FRMD6: variants seen among roughly 807,000 people sequenced by gnomAD.
The protein encoded by FRMD6 is FERM domain-containing protein 6.
In FRMD6, 37 loss-of-function variants were observed where a neutral mutation model predicts 73.2. That is an observed-to-expected ratio of 0.51 (90% CI 0.39 to 0.66). The LOEUF (loss-of-function observed/expected upper bound fraction) is 0.66, where lower values mean the gene tolerates loss of function less well. FRMD6 is among the 30% of genes least tolerant of loss of function. The pLI is 0.00. For missense variants in FRMD6, 714 were observed against 780.5 expected, an observed-to-expected ratio of 0.91 and a Z score of 1.02; for synonymous variants, 273 against 282.2, an observed-to-expected ratio of 0.97 and a Z score of 0.33.
At chr14:51,475,380 T>A in the FRMD6 span, among the ~76,000 whole-genome samples, 1 of 152,238 alleles carries the variant, frequency 6.6e-6, no homozygotes, top group Non-Finnish European at 1.5e-5. Flanking sequence ...TAGGAAGCAC[T>A]ATGATGTCAG....
rs571360290 is a variant in FRMD6 at position 51,582,893 on chromosome 14, C to A, written c.-147+12483C>A. 2.0e-5 allele frequency among the ~76,000 whole-genome samples: 3 copies of A among 152,204 alleles called. No individual in the cohort carries two copies. The South Asian group carries it at 6.2e-4, about 32-fold the overall frequency. Reference sequence around the variant, plus strand: ...GCAAAATAAACACATTTCATCTTGACCATATTTGGAACTCACAATATAAAG... The same window carrying A: ...GCAAAATAAACACATTTCATCTTGAACATATTTGGAACTCACAATATAAAG... On this transcript the variant is annotated intron_variant, in intron 2 of 14. Transcript: ENST00000356218.
intron 2 of FRMD6, among the ~76,000 whole-genome samples, chr14:51,598,394 T>C (rs1218301694): frequency 6.6e-6 from 1 of 152,248 alleles, no homozygotes; most frequent in East Asian, 1.9e-4. Context: ...TCATTGCCTT[T>C]CTTCTTTCTA....
chr14:51,715,506 C>T lies in FRMD6; in HGVS notation c.1024+7C>T. The stretch of plus-strand genomic sequence containing the variant: ...AAGCTGGAGGAAAACGAAGGTATTG[C>T]AGGGTCTGGGGTGTGGAAGCAAATT... On this transcript the variant is annotated splice_region_variant and intron_variant, in intron 10 of 13. Coordinates refer to ENST00000344768, the MANE Select transcript of FRMD6 (RefSeq NM_001267046.2). 2.5e-6 allele frequency: 4 copies of T among 1,605,952 alleles called. No individual in the cohort carries two copies. The highest frequency in any genetic ancestry group is 3.4e-6 in the Non-Finnish European group (4 of 1,175,198).
intron 1 of FRMD6, among the ~76,000 whole-genome samples, chr14:51,653,595 C>T (rs1235730201): frequency 6.6e-6 from 1 of 151,922 alleles, no homozygotes; most frequent in African/African-American, 2.4e-5. Flanking sequence ...GAAATTTTAA[C>T]TACCAGGACC....
At chr14:51,404,847 A>G in the FRMD6 span, among the ~76,000 whole-genome samples, 1 of 152,146 alleles carries the variant, frequency 6.6e-6, no homozygotes, top group African/African-American at 2.4e-5. Flanking sequence ...TCACCAGGAT[A>G]TGTTGTATAG....
chr14:51,435,629 A>G, the FRMD6 span, among the ~76,000 whole-genome samples: 1 of 152,208 alleles, frequency 6.6e-6, no homozygotes, highest in African/African-American at 2.4e-5. Context: ...AATAGTGCTA[A>G]CTAGAACCTG....
At chr14:51,556,804 T>C (rs1596593106) in intron 1 of FRMD6, among the ~76,000 whole-genome samples, 2 of 151,432 alleles carry the variant, frequency 1.3e-5, no homozygotes, top group East Asian at 3.9e-4. Flanking sequence ...CCCTGTCTCC[T>C]TCTCTACCCC....
the FRMD6 span, among the ~76,000 whole-genome samples, chr14:51,446,905 C>G: frequency 6.6e-6 from 1 of 152,148 alleles, no homozygotes; most frequent in East Asian, 1.9e-4. Flanking sequence ...TCATGACGAC[C>G]TAGGCTGTGA....
At chr14:51,689,167 A>G (rs1049100117) in intron 1 of FRMD6, among the ~76,000 whole-genome samples, 6 of 152,246 alleles carry the variant, frequency 3.9e-5, no homozygotes, top group East Asian at 1.9e-4. Flanking sequence ...AGAGAGATCA[A>G]TTAAAGTGAT....
intron 1 of FRMD6, among the ~76,000 whole-genome samples, chr14:51,515,773 G>A (rs975980929): frequency 6.6e-6 from 1 of 150,772 alleles, no homozygotes; most frequent in African/African-American, 2.5e-5. Context: ...GAATAGCTGT[G>A]TCAGGGAGAA....
chr14:51,474,587 G>A, the FRMD6 span, among the ~76,000 whole-genome samples: 4 of 152,208 alleles, frequency 2.6e-5, no homozygotes, highest in Non-Finnish European at 4.4e-5. Flanking sequence ...CTCCCAGGTA[G>A]AAGACAGCTG....
intron 1 of FRMD6, among the ~76,000 whole-genome samples, chr14:51,504,441 T>G (rs1034554516): frequency 6.6e-6 from 1 of 152,240 alleles, no homozygotes. Flanking sequence ...GCAGTCTGGT[T>G]ACTTTTTGGT....
chr14:51,707,833 C>G (rs1896714682), intron 6 of FRMD6, among the ~76,000 whole-genome samples: 1 of 152,106 alleles, frequency 6.6e-6, no homozygotes, highest in East Asian at 1.9e-4. Flanking sequence ...CTTATTTTTC[C>G]TATTTGTTGT....
chr14:51,699,350 A>G (rs376193572), intron 3 of FRMD6, among the ~76,000 whole-genome samples: 2 of 152,120 alleles, frequency 1.3e-5, no homozygotes, highest in Non-Finnish European at 2.9e-5. Flanking sequence ...TCTGAGAGCC[A>G]TAAGAGGCTC....
chr14:51,624,470 A>G (rs751265910), intron 2 of FRMD6, among the ~76,000 whole-genome samples: 3 of 152,222 alleles, frequency 2.0e-5, no homozygotes, highest in African/African-American at 4.8e-5. Flanking sequence ...TGAAATATTA[A>G]AAGGATAAAT....
At chr14:51,406,339 G>GT in the FRMD6 span, among the ~76,000 whole-genome samples, 1,110 of 151,028 alleles carry the variant, frequency 7.3e-3, 11 homozygotes, top group African/African-American at 0.025. Flanking sequence ...AGAATTTTTA[G>GT]TTTTTTTTTA....
At chr14:51,587,862 C>T (rs889448811) in intron 2 of FRMD6, among the ~76,000 whole-genome samples, 8 of 152,104 alleles carry the variant, frequency 5.3e-5, no homozygotes, top group East Asian at 1.9e-4. Context: ...CTGACGTTAG[C>T]GGCAATGACG....
the FRMD6 span, among the ~76,000 whole-genome samples, chr14:51,459,884 C>CTCTTTTTTTTTTTT: frequency 9.4e-5 from 7 of 74,650 alleles, no homozygotes; most frequent in Non-Finnish European, 1.6e-4. Context: ...TACTGACTCT[C>CTCTTTTTTTTTTTT]TTTTTTTTTT....
the FRMD6 span, among the ~76,000 whole-genome samples, chr14:51,480,622 T>G: frequency 6.6e-6 from 1 of 152,160 alleles, no homozygotes; most frequent in African/African-American, 2.4e-5. Context: ...CTACATTGAT[T>G]AGGGGAGTCT....
Sources: gnomAD v4.1 joint callset for allele counts (sites outside exome capture counted in the v4.1 genomes callset) on GRCh38, gnomAD v4.1.1 for gene constraint, MANE v1.5 for transcripts, NCBI Gene and HGNC (gene_info 2026-07-23, HGNC 2026-07-21) for gene names.